CNTNAP2: variants seen among roughly 807,000 people sequenced by gnomAD.
CNTNAP2 encodes contactin-associated protein-like 2.
A neutral mutation model predicts 155.2 loss-of-function variants in CNTNAP2; 98 were observed. The observed-to-expected ratio is 0.63, with a 90% CI of 0.54 to 0.75. The LOEUF (loss-of-function observed/expected upper bound fraction) is 0.75. CNTNAP2 is among the 30% of genes least tolerant of loss of function. CNTNAP2 has a pLI of 0.00. For missense variants in CNTNAP2, 1,727 were observed against 1,688.1 expected (o/e 1.02, Z -0.40); for synonymous variants, 651 against 631.2 (o/e 1.03, Z -0.47).
At chr7:148,061,034 T>C (rs1287707226) in intron 15 of CNTNAP2, among the ~76,000 whole-genome samples, 1 of 152,178 alleles carries the variant, frequency 6.6e-6, no homozygotes, top group African/African-American at 2.4e-5. Flanking sequence ...ATTAAAGCAA[T>C]CTCTAAAGGA....
At chr7:147,302,962 A>T (rs1584858175) in intron 9 of CNTNAP2, among the ~76,000 whole-genome samples, 1 of 152,212 alleles carries the variant, frequency 6.6e-6, no homozygotes, top group South Asian at 2.1e-4. Flanking sequence ...CTGCACCTTG[A>T]ATCAAATGTT....
At chr7:147,566,653 T>C (rs1334013216) in intron 12 of CNTNAP2, among the ~76,000 whole-genome samples, 1 of 152,066 alleles carries the variant, frequency 6.6e-6, no homozygotes, top group Non-Finnish European at 1.5e-5. Flanking sequence ...TCATGAGAAC[T>C]CACTATTATG....
chr7:146,525,532 TTATC>T (rs71175655), intron 1 of CNTNAP2, among the ~76,000 whole-genome samples: 18,462 of 147,872 alleles, frequency 0.12, 1,161 homozygotes, highest in Non-Finnish European at 0.14. Context: ...TCTTTTCAGT[TTATC>T]TATCTATCTA....
At chr7:147,437,254 G>C (rs1003310127) in intron 10 of CNTNAP2, among the ~76,000 whole-genome samples, 4 of 152,106 alleles carry the variant, frequency 2.6e-5, no homozygotes, top group Admixed American at 2.0e-4. Flanking sequence ...AAATTGGAAA[G>C]TATGTAGTTT....
chr7:148,124,995 T>G (rs999949650), intron 16 of CNTNAP2, among the ~76,000 whole-genome samples: 3 of 152,154 alleles, frequency 2.0e-5, no homozygotes, highest in South Asian at 4.2e-4. Context: ...GATGGGCGTT[T>G]GGGAAACTAC....
chr7:147,150,932 G>A (rs1171427751), intron 8 of CNTNAP2, among the ~76,000 whole-genome samples: 1 of 152,168 alleles, frequency 6.6e-6, no homozygotes, highest in Admixed American at 6.5e-5. Context: ...TATCAGCCAA[G>A]GGATGTTTTT....
At chr7:147,618,993 C>T (rs922939358) in intron 12 of CNTNAP2, among the ~76,000 whole-genome samples, 1 of 152,168 alleles carries the variant, frequency 6.6e-6, no homozygotes, top group Non-Finnish European at 1.5e-5. Flanking sequence ...TTGCCAGAGA[C>T]AGGAACAGGT....
intron 15 of CNTNAP2, among the ~76,000 whole-genome samples, chr7:148,011,542 C>T (rs1802080878): frequency 2.6e-5 from 4 of 151,964 alleles, no homozygotes; most frequent in Admixed American, 6.6e-5. Context: ...GGCTTATTTC[C>T]TCATCTGTTT....
rs549814883 is a variant in CNTNAP2, at chr7:146,573,656, C to T, written c.98-200615C>T. Among the ~76,000 whole-genome samples the T allele has an allele frequency of 4.4e-4, 67 of 152,252 alleles. 1 individual carries two copies. The South Asian group carries it at 0.012, about 26-fold the overall frequency. On this transcript the variant is annotated intron_variant, in intron 1 of 23. Coordinates refer to ENST00000361727, the MANE Select transcript of CNTNAP2 (RefSeq NM_014141.6). Reference sequence around the variant, plus strand: ...GCATAAAGACCTAAGAATGATTTAGCGGCAGTGCACACAAAGAGGAGTCAG... The same window carrying T: ...GCATAAAGACCTAAGAATGATTTAGTGGCAGTGCACACAAAGAGGAGTCAG...
intron 9 of CNTNAP2, among the ~76,000 whole-genome samples, chr7:147,329,303 TAA>T (rs1428449511): frequency 6.6e-6 from 1 of 152,102 alleles, no homozygotes; most frequent in Non-Finnish European, 1.5e-5. Flanking sequence ...AACATTCTTA[TAA>T]GTTATACATT....
At chr7:147,225,743 GA>G in intron 8 of CNTNAP2, among the ~76,000 whole-genome samples, 1 of 6,008 alleles carries the variant, frequency 1.7e-4, no homozygotes. Flanking sequence ...AGGAAGGAAA[GA>G]AGGAAGGAAG....
At chr7:147,048,388 G>A (rs1799409549) in intron 4 of CNTNAP2, among the ~76,000 whole-genome samples, 1 of 152,150 alleles carries the variant, frequency 6.6e-6, no homozygotes, top group Non-Finnish European at 1.5e-5. Flanking sequence ...GAGGGAATGT[G>A]ATCTTGCCAA....
At chr7:146,408,928 T>C (rs1795830210) in intron 1 of CNTNAP2, among the ~76,000 whole-genome samples, 1 of 152,118 alleles carries the variant, frequency 6.6e-6, no homozygotes, top group Admixed American at 6.6e-5. Context: ...CGAATTCACA[T>C]GCCTTCATTG....
At chr7:148,151,050 G>A (rs1423031667) in intron 17 of CNTNAP2, among the ~76,000 whole-genome samples, 1 of 152,094 alleles carries the variant, frequency 6.6e-6, no homozygotes, top group East Asian at 1.9e-4. Flanking sequence ...TTTATTACAT[G>A]CTTGGTAATG....
intron 3 of CNTNAP2, among the ~76,000 whole-genome samples, chr7:146,981,517 G>A (rs189085417): frequency 1.6e-4 from 25 of 152,230 alleles, no homozygotes; most frequent in African/African-American, 5.1e-4. Flanking sequence ...GGTGTGATAC[G>A]TAGCCCATTA....
At chr7:146,472,087 A>G (rs550779425) in intron 1 of CNTNAP2, among the ~76,000 whole-genome samples, 1 of 152,340 alleles carries the variant, frequency 6.6e-6, no homozygotes, top group African/African-American at 2.4e-5. Flanking sequence ...TAACTTTCCT[A>G]CATTATCGTC....
chr7:146,903,083 G>C (rs1030917240), intron 3 of CNTNAP2, among the ~76,000 whole-genome samples: 2 of 152,152 alleles, frequency 1.3e-5, no homozygotes, highest in Admixed American at 1.3e-4. Flanking sequence ...ACTTCACGTT[G>C]GGGCAACATT....
intron 9 of CNTNAP2, among the ~76,000 whole-genome samples, chr7:147,321,542 T>C (rs1225597576): frequency 6.6e-6 from 1 of 152,228 alleles, no homozygotes; most frequent in Non-Finnish European, 1.5e-5. Context: ...ACAGTAGCTT[T>C]ACTCTCATCT....
At position 146,319,524 on chromosome 7, in the gene CNTNAP2, C is replaced by G. The variant is rs146747585; in HGVS notation, c.97+202551C>G. 9.2e-5 allele frequency among the ~76,000 whole-genome samples: 14 copies of G among 152,214 alleles called. 1 individual carries two copies. Among genetic ancestry groups the G allele is most frequent in the African/African-American group, 3.4e-4 (14 of 41,530 alleles). The stretch of plus-strand genomic sequence containing the variant: ...AAAATAATGCTGAAGACAAAATATA[C>G]TCAACTCACTTCTTATAGCAAATGT... On this transcript the variant is annotated intron_variant, in intron 1 of 23. Transcript: ENST00000361727.
Sources: gnomAD v4.1 joint callset for allele counts (sites outside exome capture counted in the v4.1 genomes callset) on GRCh38, gnomAD v4.1.1 for gene constraint, MANE v1.5 for transcripts, NCBI Gene and HGNC (gene_info 2026-07-23, HGNC 2026-07-21) for gene names.